The following NEO1 variants were observed in gnomAD, a reference collection of about 807,000 sequenced individuals.
NEO1 encodes the protein neogenin.
Under a neutral mutation model 159.7 loss-of-function variants are expected in NEO1, and 63 were observed. The observed-to-expected ratio is 0.39, with a 90% CI of 0.32 to 0.49. The LOEUF (loss-of-function observed/expected upper bound fraction) is 0.49, where lower values mean the gene tolerates loss of function less well. Ranked by LOEUF, NEO1 falls within the 20% of genes least tolerant of loss-of-function variation. NEO1 has a pLI of 0.85. For synonymous variants in NEO1, 633 were observed against 662.0 expected (o/e 0.96, Z 0.67); for missense variants, 1,615 against 1,831.0 (o/e 0.88, Z 2.15).
intron 21 of NEO1, 141 bp from the exon 22 acceptor site, chr15:73,277,990 A>G (rs2151070513): frequency 1.5e-6 from 1 of 647,932 alleles, no homozygotes; most frequent in Non-Finnish European, 2.6e-6. Flanking sequence ...ATAGATTCCC[A>G]TGATTTATGT....
chr15:73,244,264 A>G (rs989112550), intron 8 of NEO1, 80 bp from the exon 9 acceptor site: 2 of 1,458,044 alleles, frequency 1.4e-6, no homozygotes, highest in African/African-American at 1.4e-5. Context: ...ATAGATTTTT[A>G]TGTGGAGTGG....
chr15:73,269,992 A>T lies in NEO1; in HGVS notation c.2495-18A>T, dbSNP rs778617702. Reference sequence around the variant, plus strand: ...ACATTAAAATGCCACTTCCCTTTTTAAATTATTTTCTGCTCAGACACTTCT... The same window carrying T: ...ACATTAAAATGCCACTTCCCTTTTTTAATTATTTTCTGCTCAGACACTTCT... On this transcript the variant is annotated intron_variant, in intron 16 of 28. Transcript: ENST00000261908. The T allele has an allele frequency of 5.7e-6, 9 of 1,591,174 alleles. No individual in the cohort carries two copies. The highest frequency in any genetic ancestry group is 6.9e-6 in the Non-Finnish European group (8 of 1,160,776).
intron 5 of NEO1, among the ~76,000 whole-genome samples, chr15:73,165,093 ATT>A (rs67749428): frequency 2.0e-3 from 259 of 129,088 alleles, no homozygotes; most frequent in African/African-American, 6.9e-3. Context: ...TGCCTGGCCA[ATT>A]TTTTTTTTTT....
chr15:73,099,115 A>G (rs559223706), intron 1 of NEO1, among the ~76,000 whole-genome samples: 9 of 152,192 alleles, frequency 5.9e-5, no homozygotes, highest in African/African-American at 1.9e-4. Context: ...TGCATTTACA[A>G]CTGCTTTTGG....
chr15:73,256,501 A>G (rs973777427), intron 13 of NEO1, among the ~76,000 whole-genome samples: 2 of 152,156 alleles, frequency 1.3e-5, no homozygotes, highest in Non-Finnish European at 2.9e-5. Flanking sequence ...CTCTGTCTCA[A>G]AAAAAGTATA....
At chr15:73,170,360 A>G (rs2034872251) in intron 5 of NEO1, among the ~76,000 whole-genome samples, 1 of 152,220 alleles carries the variant, frequency 6.6e-6, no homozygotes, top group Non-Finnish European at 1.5e-5. Context: ...AGATTCAGCT[A>G]AAAGCTACAG....
chr15:73,114,070 G>A (rs904224535), intron 1 of NEO1, among the ~76,000 whole-genome samples: 5 of 152,206 alleles, frequency 3.3e-5, no homozygotes, highest in Non-Finnish European at 5.9e-5. Context: ...TCTGTAGGTA[G>A]CGCATACACC....
At chr15:73,213,071 A>G (rs2037671689) in intron 7 of NEO1, among the ~76,000 whole-genome samples, 1 of 152,186 alleles carries the variant, frequency 6.6e-6, no homozygotes, top group East Asian at 1.9e-4. Flanking sequence ...AACTTTGTAT[A>G]CTTCTGTACC....
chr15:73,053,199 A>G (rs1014772933), intron 1 of NEO1, among the ~76,000 whole-genome samples: 1 of 152,056 alleles, frequency 6.6e-6, no homozygotes, highest in Non-Finnish European at 1.5e-5. Flanking sequence ...CAATTCATTA[A>G]TTTTCAGGAA....
At chr15:73,057,889 T>C (rs1010276546) in intron 1 of NEO1, among the ~76,000 whole-genome samples, 1 of 152,180 alleles carries the variant, frequency 6.6e-6, no homozygotes, top group Non-Finnish European at 1.5e-5. Context: ...TACATAAATA[T>C]ATGTTTGTTT....
chr15:73,285,865 C>A (rs2041924551), intron 23 of NEO1, among the ~76,000 whole-genome samples: 1 of 152,152 alleles, frequency 6.6e-6, no homozygotes, highest in East Asian at 1.9e-4. Context: ...TTCCTCCTCC[C>A]TCCTAAGTGT....
In NEO1 at chr15:73,274,692, C is replaced by T. The variant is rs569350195; in HGVS notation, c.3161C>T (p.Ala1054Val). Residue 1054 changes from alanine (A) to valine (V), a missense_variant and splice_region_variant, in exon 21 of 29, where the codon GCG becomes GTG. This residue lies in a region of NEO1 where 126 missense variants were observed against 216.7 expected (regional missense o/e 0.58). Coordinates refer to ENST00000261908, the MANE Select transcript of NEO1 (RefSeq NM_002499.4). ...SEAVQFRTPK[A>V]DSSDKMPNDQ... is the part of the protein sequence containing the mutation. The stretch of plus-strand genomic sequence containing the variant: ...TCTTCCCCTGTGCTTGGCCTGTTAG[C>T]GGACTCCTCTGATAAAATGCCTAAT... 10 of 1,613,642 alleles carry T rather than the reference C, an allele frequency of 6.2e-6. No individual in the cohort carries two copies. In the Admixed American group the frequency reaches 8.3e-5, roughly 13 times the overall value.
intron 3 of NEO1, among the ~76,000 whole-genome samples, chr15:73,123,451 T>G (rs1449673846): frequency 6.6e-6 from 1 of 152,156 alleles, no homozygotes; most frequent in African/African-American, 2.4e-5. Context: ...CCAGGCTAGT[T>G]CGTATAAGGG....
chr15:73,239,552 T>C (rs1011335775), intron 8 of NEO1, among the ~76,000 whole-genome samples: 5 of 152,210 alleles, frequency 3.3e-5, no homozygotes, highest in Admixed American at 2.0e-4. Context: ...TATACCACTG[T>C]CTTTTTACTG....
intron 22 of NEO1, 116 bp from the exon 23 acceptor site, chr15:73,282,848 C>A: frequency 8.0e-7 from 1 of 1,248,910 alleles, no homozygotes; most frequent in Non-Finnish European, 1.1e-6. Context: ...TTATATAAGT[C>A]AGAGCAATGA....
At chr15:73,248,401 A>G (rs1388261842) in intron 9 of NEO1, among the ~76,000 whole-genome samples, 2 of 152,138 alleles carry the variant, frequency 1.3e-5, no homozygotes, top group African/African-American at 4.8e-5. Context: ...ATTGTTTTCA[A>G]CATTCTCTCT....
At chr15:73,212,178 T>A (rs1261003530) in intron 7 of NEO1, among the ~76,000 whole-genome samples, 1 of 152,208 alleles carries the variant, frequency 6.6e-6, no homozygotes. Context: ...TAGTTTCTCC[T>A]GAGTGTAAAT....
intron 7 of NEO1, among the ~76,000 whole-genome samples, chr15:73,206,019 T>C (rs2037202042): frequency 1.3e-5 from 2 of 152,114 alleles, no homozygotes; most frequent in Non-Finnish European, 2.9e-5. Context: ...GTGATTCTCA[T>C]GCCTCAGCCT....
intron 7 of NEO1, among the ~76,000 whole-genome samples, chr15:73,225,662 G>A (rs767569541): frequency 2.0e-5 from 3 of 152,214 alleles, no homozygotes; most frequent in African/African-American, 4.8e-5. Flanking sequence ...TAACAGCCCC[G>A]AGTCTGCCAG....
Sources: allele counts gnomAD v4.1 joint callset (sites outside exome capture counted in the v4.1 genomes callset), GRCh38; gene constraint gnomAD v4.1.1; regional missense constraint gnomAD v4.1.1; transcripts MANE v1.5; gene names NCBI Gene and HGNC (gene_info 2026-07-23, HGNC 2026-07-21).